The following ATP6V0D1 variants were observed in gnomAD, a reference collection of about 807,000 sequenced individuals.
ATP6V0D1 encodes V-type proton ATPase subunit d 1.
ATP6V0D1 carries 13 observed loss-of-function variants against 39.0 expected under a neutral mutation model. That is an observed-to-expected ratio of 0.33 (90% CI 0.22 to 0.53). The LOEUF (loss-of-function observed/expected upper bound fraction) is 0.53, where lower values mean the gene tolerates loss of function less well. ATP6V0D1 is among the 20% of genes least tolerant of loss of function. The pLI is 0.94. For synonymous variants in ATP6V0D1, 191 were observed against 191.2 expected, an observed-to-expected ratio of 1.00 and a Z score of 0.01; for missense variants, 272 against 470.9, an observed-to-expected ratio of 0.58 and a Z score of 3.91.
chr16:67,470,068 T>C lies in ATP6V0D1; in HGVS notation c.130+10889A>G, dbSNP rs886651454. ...CTCTCGTAGTATTCCATTGTAAGAATAGACCATGGTTTACTTAACCAGACC... is the reference window on the plus strand; with the variant it reads ...CTCTCGTAGTATTCCATTGTAAGAACAGACCATGGTTTACTTAACCAGACC... On this transcript the variant is annotated intron_variant, in intron 1 of 7. Coordinates refer to ENST00000290949, the MANE Select transcript of ATP6V0D1 (RefSeq NM_004691.5). Among the ~76,000 whole-genome samples, 9 of 152,208 alleles carry C rather than the reference T, an allele frequency of 5.9e-5. No individual in the cohort carries two copies. The South Asian group carries it at 6.2e-4, about 10-fold the overall frequency.
In ATP6V0D1 at chr16:67,453,509, AG is replaced by A. The variant is rs773765332; in HGVS notation, c.302+34del. On this transcript the variant is annotated intron_variant, in intron 2 of 7. Transcript: ENST00000290949. The surrounding 1 kb of genome is among the most constrained non-coding windows in gnomAD (Gnocchi z 4.1). Reference sequence around the variant, plus strand: ...TCCTGCAGGTGTAGCTATCCTGCCCAGGTAAGAGAAGAAGGCGCTACAAAGC... The same window carrying A: ...TCCTGCAGGTGTAGCTATCCTGCCCAGTAAGAGAAGAAGGCGCTACAAAGC... 1 of 1,609,610 alleles carries A rather than the reference AG, an allele frequency of 6.2e-7. No individual in the cohort carries two copies.
Position 67,438,695 on chromosome 16 carries a change from G to C in ATP6V0D1, c.895-6C>G, listed in dbSNP as rs2041006889. ...GCCAACTTGTTCAGCTTTACCTGTG[G>C]ACACGGGCAGATGTGGTGTCCAGGT... On this transcript the variant is annotated splice_polypyrimidine_tract_variant and splice_region_variant and intron_variant, in intron 7 of 7. Coordinates refer to ENST00000290949, the MANE Select transcript of ATP6V0D1 (RefSeq NM_004691.5). 6.2e-7 allele frequency: 1 copy of C among 1,614,210 alleles called. No homozygotes were observed. Among genetic ancestry groups the C allele is most frequent in the Non-Finnish European group, 8.5e-7 (1 of 1,180,038 alleles).
rs771839621 is a variant in ATP6V0D1 at position 67,439,244 on chromosome 16, C to T, written c.639+30G>A. On this transcript the variant is annotated intron_variant, in intron 5 of 7. Coordinates refer to ENST00000290949, the MANE Select transcript of ATP6V0D1 (RefSeq NM_004691.5). ...TCCCCAGGCCAGGGCTAGCGGGCAC[C>T]AGCAGGCAGGAGGGCGGGCAGGCAC... 14 of 1,613,976 alleles carry T rather than the reference C, an allele frequency of 8.7e-6. No homozygotes were observed. In the African/African-American group the frequency reaches 1.7e-4, roughly 20 times the overall value.
Position 67,453,006 on chromosome 16 carries a change from C to G in ATP6V0D1, c.302+538G>C, listed in dbSNP as rs2041198740. Among the ~76,000 whole-genome samples, 1 of 152,206 alleles carries G rather than the reference C, an allele frequency of 6.6e-6. No individual in the cohort carries two copies. On this transcript the variant is annotated intron_variant, in intron 2 of 7. Coordinates refer to ENST00000290949, the MANE Select transcript of ATP6V0D1 (RefSeq NM_004691.5). The surrounding 1 kb of genome is among the most constrained non-coding windows in gnomAD (Gnocchi z 4.1). ...GCAGCTAGACGTTCAGCCTGCCCCT[C>G]AACTCTACTCCGAACCAATCTCCCT...
At chr16:67,479,286 T>C (rs1246620103) in intron 1 of ATP6V0D1, among the ~76,000 whole-genome samples, 1 of 151,422 alleles carries the variant, frequency 6.6e-6, no homozygotes, top group Non-Finnish European at 1.5e-5. Flanking sequence ...CAGTCTTGGC[T>C]CACTGCAACC....
intron 1 of ATP6V0D1, among the ~76,000 whole-genome samples, chr16:67,477,791 G>C (rs1009730260): frequency 5.3e-5 from 8 of 151,880 alleles, no homozygotes; most frequent in African/African-American, 1.9e-4. Context: ...TCCTACCTCA[G>C]CCTCCGGAGT....
chr16:67,457,218 T>C, intron 1 of ATP6V0D1: 1 of 250,480 alleles, frequency 4.0e-6, no homozygotes, highest in Non-Finnish European at 8.1e-6. Flanking sequence ...ACCTGTGTGC[T>C]GGACCTCTCA....
chr16:67,459,490 G>A (rs1360351976), intron 1 of ATP6V0D1, among the ~76,000 whole-genome samples: 2 of 152,208 alleles, frequency 1.3e-5, no homozygotes, highest in Non-Finnish European at 2.9e-5. Flanking sequence ...TGGCCACACT[G>A]AGCCCCAGCT....
intron 1 of ATP6V0D1, among the ~76,000 whole-genome samples, chr16:67,478,845 C>A (rs1055200755): frequency 6.6e-6 from 1 of 152,042 alleles, no homozygotes; most frequent in Non-Finnish European, 1.5e-5. Context: ...CCTGTGCCCC[C>A]AGAAGCTGTT....
At chr16:67,439,415 A>T in intron 4 of ATP6V0D1, 64 bp from the exon 5 acceptor site, 1 of 1,472,750 alleles carries the variant, frequency 6.8e-7, no homozygotes, top group Non-Finnish European at 9.4e-7. Flanking sequence ...GCTAGGCACA[A>T]GCCCTCACAG....
Position 67,447,107 on chromosome 16 carries a change from A to C in ATP6V0D1, c.303-2401T>G, listed in dbSNP as rs2041125911. Reference sequence around the variant, plus strand: ...CAACGTCCCCCTCCTTGCGCCCCCCACTCAGGGCATCTGTTTATGTGGGGG... The same window carrying C: ...CAACGTCCCCCTCCTTGCGCCCCCCCCTCAGGGCATCTGTTTATGTGGGGG... On this transcript the variant is annotated intron_variant, in intron 2 of 7. Transcript: ENST00000290949. The surrounding 1 kb of genome is among the most constrained non-coding windows in gnomAD (Gnocchi z 4.1). Among the ~76,000 whole-genome samples the C allele has an allele frequency of 6.6e-6, 1 of 151,096 alleles. No homozygotes were observed. Among genetic ancestry groups the C allele is most frequent in the Admixed American group, 6.6e-5 (1 of 15,204 alleles).
At chr16:67,467,272 C>T (rs377519135) in intron 1 of ATP6V0D1, among the ~76,000 whole-genome samples, 2 of 152,222 alleles carry the variant, frequency 1.3e-5, no homozygotes, top group African/African-American at 4.8e-5. Context: ...TTTGGGAGAC[C>T]GAGGTGGGCG....
chr16:67,447,327 T>G lies in ATP6V0D1; in HGVS notation c.303-2621A>C, dbSNP rs2041128483. Among the ~76,000 whole-genome samples the G allele has an allele frequency of 1.3e-5, 2 of 152,196 alleles. No homozygotes were observed. Among genetic ancestry groups the G allele is most frequent in the Non-Finnish European group, 2.9e-5 (2 of 68,028 alleles). On this transcript the variant is annotated intron_variant, in intron 2 of 7. Coordinates refer to ENST00000290949, the MANE Select transcript of ATP6V0D1 (RefSeq NM_004691.5). The surrounding 1 kb of genome is among the most constrained non-coding windows in gnomAD (Gnocchi z 4.1). ...GCCCAGTGAGGGGCAGAATCCTCTT[T>G]TTCAGGAGATGAGAGGCTGGACAGG...
chr16:67,471,333 C>T (rs1245960595), intron 1 of ATP6V0D1, among the ~76,000 whole-genome samples: 1 of 152,162 alleles, frequency 6.6e-6, no homozygotes, highest in Non-Finnish European at 1.5e-5. Context: ...GGATTACAGG[C>T]ATGCGCCACC....
intron 1 of ATP6V0D1, among the ~76,000 whole-genome samples, chr16:67,459,406 G>A (rs1195596265): frequency 6.6e-6 from 1 of 152,148 alleles, no homozygotes; most frequent in Non-Finnish European, 1.5e-5. Context: ...AAGAGGCCTG[G>A]GAAGGCTGCA....
chr16:67,438,506 T>A lies in ATP6V0D1; in HGVS notation c.*22A>T, dbSNP rs760987912. ...ACACACACACACACAAAGAGTGCAA[T>A]TGAGAGCCTTGGGCCAGGACGCTAG... On this transcript the variant is annotated 3_prime_UTR_variant, in exon 8 of 8. Transcript: ENST00000290949. 6.2e-6 allele frequency: 10 copies of A among 1,612,712 alleles called. No homozygotes were observed. The South Asian group carries it at 1.1e-4, about 18-fold the overall frequency.
intron 1 of ATP6V0D1, among the ~76,000 whole-genome samples, chr16:67,474,373 G>C (rs533945364): frequency 2.2e-4 from 34 of 152,332 alleles, no homozygotes; most frequent in Non-Finnish European, 4.4e-4. Context: ...CCATCAGTAA[G>C]GTCTTCTCTA....
In ATP6V0D1 at chr16:67,456,346, G is replaced by A. The variant is rs2041238094; in HGVS notation, c.131-2631C>T. 6.6e-6 allele frequency: 1 copy of A among 152,170 alleles called. No homozygotes were observed. Among genetic ancestry groups the A allele is most frequent in the African/African-American group, 2.4e-5 (1 of 41,410 alleles). The allele number at this position is 152,170 out of a possible 1,614,324, so 9.4% of individuals were successfully genotyped here. ...TGTACAAAACTGAGAGATTGTTAAT[G>A]CCCCTGATGTGGTTTTTGTGGATGT... On this transcript the variant is annotated intron_variant, in intron 1 of 7. Coordinates refer to ENST00000290949, the MANE Select transcript of ATP6V0D1 (RefSeq NM_004691.5). This position sits in a 1 kb window ranked among gnomAD's most constrained non-coding sequence, Gnocchi z 4.1.
Position 67,439,070 on chromosome 16 carries a change from C to T in ATP6V0D1, c.717G>A (p.Lys239=), listed in dbSNP as rs757402363. 1.2e-6 allele frequency: 2 copies of T among 1,614,252 alleles called. No homozygotes were observed. Among genetic ancestry groups the T allele is most frequent in the Admixed American group, 3.3e-5 (2 of 60,026 alleles). ...AGAGCCGCCCACAGTGTGGAAAGAG[C>T]TTGGCACGGTCCTCTTTGGACAGCT... is the stretch of plus-strand genomic sequence containing the variant. The part of the protein sequence containing the change: ...GTELSKEDRA[K]LFPHCGRLYP... Residue 239 remains lysine, a synonymous_variant, in exon 6 of 8, where the codon AAG becomes AAA. Transcript: ENST00000290949.
Sources: gnomAD v4.1 joint callset for allele counts (sites outside exome capture counted in the v4.1 genomes callset) on GRCh38, gnomAD v4.1.1 for gene constraint, Gnocchi (gnomAD v3.1) non-coding constraint, MANE v1.5 for transcripts, NCBI Gene and HGNC (gene_info 2026-07-23, HGNC 2026-07-21) for gene names.